The following ADGRL3 variants were observed in gnomAD, a reference collection of about 807,000 sequenced individuals.
ADGRL3 encodes adhesion G protein-coupled receptor L3, also known as calcium-independent alpha-latrotoxin receptor 3.
Under a neutral mutation model 153.5 loss-of-function variants are expected in ADGRL3, and 62 were observed. The ratio of observed to expected loss-of-function variants is 0.40; its 90% CI spans 0.33 to 0.50. ADGRL3 has a LOEUF of 0.50. Ranked by LOEUF, ADGRL3 falls within the 20% of genes least tolerant of loss-of-function variation. The pLI, the probability that ADGRL3 is intolerant of heterozygous loss-of-function variation, is 0.47. For missense variants in ADGRL3, 1,641 were observed against 1,859.4 expected, an observed-to-expected ratio of 0.88 and a Z score of 2.16; for synonymous variants, 710 against 672.5, an observed-to-expected ratio of 1.06 and a Z score of -0.86.
intron 5 of ADGRL3, among the ~76,000 whole-genome samples, chr4:61,673,052 G>A (rs1348740000): frequency 6.6e-6 from 1 of 151,868 alleles, no homozygotes; most frequent in Non-Finnish European, 1.5e-5. Flanking sequence ...GAACCTGGAG[G>A]ACATTATGCT....
chr4:62,076,207 C>G lies in ADGRL3; in HGVS notation c.*5299C>G, dbSNP rs1200788993. On this transcript the variant is annotated 3_prime_UTR_variant, in exon 27 of 27. Coordinates refer to ENST00000683033, the MANE Select transcript of ADGRL3 (RefSeq NM_001387552.1). The stretch of plus-strand genomic sequence containing the variant: ...GTCAGCACTTCTTTCACATCTAGCA[C>G]CTATAAGTTACTATTCAAATGTCTT... The G allele has an allele frequency of 3.9e-5, 6 of 152,048 alleles. No homozygotes were observed. 9.4% of individuals were successfully genotyped at this position (152,048 alleles called of 1,614,324 possible).
chr4:61,813,846 G>A lies in ADGRL3; in HGVS notation c.1437G>A (p.Pro479=), dbSNP rs147936284. ...ATGGACAAGTTTCATACATTTCTCC[G>A]CCAATTCACCTTGACTCTGAGCTAG... ...AHHGQVSYIS[P]PIHLDSELER... is the part of the protein sequence containing the mutation. Residue 479 remains proline (P), a synonymous_variant, in exon 9 of 27, where the codon CCG becomes CCA. Coordinates refer to ENST00000683033, the MANE Select transcript of ADGRL3 (RefSeq NM_001387552.1). 37 of 1,573,876 alleles carry A rather than the reference G, an allele frequency of 2.4e-5. No homozygotes were observed. The Middle Eastern group carries it at 5.0e-4, about 21-fold the overall frequency.
chr4:61,912,654 G>C, intron 12 of ADGRL3, 65 bp from the exon 13 acceptor site: 1 of 1,399,758 alleles, frequency 7.1e-7, no homozygotes, highest in Non-Finnish European at 1.0e-6. Flanking sequence ...TATTTTTCTT[G>C]TTTTCTTCTG....
intron 2 of ADGRL3, among the ~76,000 whole-genome samples, chr4:61,444,622 A>G (rs2097561786): frequency 6.6e-6 from 1 of 152,014 alleles, no homozygotes; most frequent in South Asian, 2.1e-4. Flanking sequence ...TCCCATGCAT[A>G]TGTTCCCTGA....
intron 17 of ADGRL3, among the ~76,000 whole-genome samples, chr4:61,977,395 G>T (rs1286066670): frequency 6.6e-6 from 1 of 151,994 alleles, no homozygotes; most frequent in Non-Finnish European, 1.5e-5. Context: ...AGGGAACCAG[G>T]TAGCACTAAC....
At chr4:61,487,311 C>T (rs2098206789) in intron 2 of ADGRL3, among the ~76,000 whole-genome samples, 2 of 152,064 alleles carry the variant, frequency 1.3e-5, no homozygotes, top group African/African-American at 2.4e-5. Context: ...TCCTCATTTG[C>T]CAATTAGGAA....
intron 2 of ADGRL3, among the ~76,000 whole-genome samples, chr4:61,484,284 C>T (rs985157383): frequency 6.6e-6 from 1 of 152,022 alleles, no homozygotes; most frequent in Non-Finnish European, 1.5e-5. Flanking sequence ...ACCAATTTTC[C>T]GTTTTGACTA....
At chr4:61,733,687 G>T in intron 8 of ADGRL3, 133 bp downstream of exon 8, 1 of 676,762 alleles carries the variant, frequency 1.5e-6, no homozygotes, top group Non-Finnish European at 2.5e-6. Flanking sequence ...CTTTGTCTTT[G>T]CATCTAAAGA....
intron 8 of ADGRL3, among the ~76,000 whole-genome samples, chr4:61,743,198 T>C (rs1367151002): frequency 2.0e-5 from 3 of 151,612 alleles, no homozygotes. Context: ...TGGGTGCCTG[T>C]AGTCCTAGCT....
intron 8 of ADGRL3, among the ~76,000 whole-genome samples, chr4:61,771,273 T>A (rs868290682): frequency 3.0e-4 from 46 of 152,302 alleles, no homozygotes; most frequent in African/African-American, 1.1e-3. Flanking sequence ...CTGGTATAAA[T>A]GCTTGTGGGG....
intron 8 of ADGRL3, among the ~76,000 whole-genome samples, chr4:61,745,674 C>T (rs2151973585): frequency 6.6e-6 from 1 of 152,286 alleles, no homozygotes; most frequent in East Asian, 1.9e-4. Context: ...GATTTTGTCA[C>T]CACCAGGGCT....
At chr4:61,424,551 C>A (rs2097253398) in intron 2 of ADGRL3, among the ~76,000 whole-genome samples, 1 of 152,196 alleles carries the variant, frequency 6.6e-6, no homozygotes, top group African/African-American at 2.4e-5. Flanking sequence ...AGGCTCTCAA[C>A]TGCTTCAACC....
intron 9 of ADGRL3, among the ~76,000 whole-genome samples, chr4:61,863,099 A>G (rs1267246860): frequency 2.0e-5 from 3 of 152,202 alleles, no homozygotes; most frequent in African/African-American, 7.2e-5. Context: ...GTGCTAGTGG[A>G]ACCAGATGAA....
chr4:61,356,292 C>A (rs1413815685), intron 1 of ADGRL3, among the ~76,000 whole-genome samples: 1 of 151,934 alleles, frequency 6.6e-6, no homozygotes, highest in Non-Finnish European at 1.5e-5. Flanking sequence ...CTTAAGAAAT[C>A]TGTTATGCAG....
In ADGRL3 at chr4:61,946,981, T is replaced by C. The variant is rs753822162; in HGVS notation, c.2487T>C (p.Ser829=). 4.3e-6 allele frequency: 7 copies of C among 1,613,846 alleles called. No homozygotes were observed. Among genetic ancestry groups the C allele is most frequent in the Non-Finnish European group, 5.9e-6 (7 of 1,179,818 alleles). The change falls in exon 16 of 27, where the codon AGT becomes AGC. Residue 829 remains serine, a synonymous_variant. Coordinates refer to ENST00000683033, the MANE Select transcript of ADGRL3 (RefSeq NM_001387552.1). The part of the protein sequence containing the change: ...LGPYLSTENA[S]MKLGTEALST... The stretch of plus-strand genomic sequence containing the variant: ...CTTATTTATCCACGGAGAATGCCAG[T>C]ATGAAGTTGGGAACGGAAGCTTTGT...
At chr4:61,984,219 T>G (rs1287373342) in intron 19 of ADGRL3, among the ~76,000 whole-genome samples, 1 of 152,126 alleles carries the variant, frequency 6.6e-6, no homozygotes, top group Non-Finnish European at 1.5e-5. Context: ...ATACCCAGAG[T>G]AAATCAAAGT....
intron 4 of ADGRL3, among the ~76,000 whole-genome samples, chr4:61,528,600 A>G (rs556772350): frequency 2.0e-5 from 3 of 152,246 alleles, no homozygotes; most frequent in African/African-American, 2.4e-5. Context: ...AGTAGAAGCT[A>G]GGAAATTGAA....
chr4:62,033,886 A>T (rs1723542987), intron 23 of ADGRL3, among the ~76,000 whole-genome samples: 3 of 151,754 alleles, frequency 2.0e-5, no homozygotes, highest in African/African-American at 7.2e-5. Context: ...AGCAGAAAAG[A>T]AATTTTTGTA....
intron 5 of ADGRL3, among the ~76,000 whole-genome samples, chr4:61,655,276 A>G (rs747819519): frequency 6.6e-6 from 1 of 152,178 alleles, no homozygotes; most frequent in Non-Finnish European, 1.5e-5. Context: ...AAGAATTCAT[A>G]TTCAAGTTTG....
Sources: allele counts gnomAD v4.1 joint callset (sites outside exome capture counted in the v4.1 genomes callset), GRCh38; gene constraint gnomAD v4.1.1; transcripts MANE v1.5; gene names NCBI Gene and HGNC (gene_info 2026-07-23, HGNC 2026-07-21).